Variants in MYOM3 observed in about 807,000 individuals in gnomAD.
The protein encoded by MYOM3 is myomesin 3, also known as myomesin-3.
A neutral mutation model predicts 191.7 loss-of-function variants in MYOM3; 155 were observed. The ratio of observed to expected loss-of-function variants is 0.81; its 90% CI spans 0.71 to 0.92. The LOEUF is 0.92. MYOM3 is among the 40% of genes least tolerant of loss of function. MYOM3 has a pLI of 0.00. For missense variants in MYOM3, 1,889 were observed against 1,890.6 expected (o/e 1.00, Z 0.02); for synonymous variants, 757 against 762.9 (o/e 0.99, Z 0.13).
chr1:24,066,107 C>G (rs1486336443), intron 28 of MYOM3, 106 bp from the exon 29 acceptor site: 1 of 788,146 alleles, frequency 1.3e-6, no homozygotes, highest in East Asian at 2.4e-5. Context: ...TTTCACATAC[C>G]ATGTGTCTCC....
chr1:24,069,531 T>C (rs888941358), intron 25 of MYOM3, among the ~76,000 whole-genome samples: 4 of 151,928 alleles, frequency 2.6e-5, no homozygotes, highest in Non-Finnish European at 5.9e-5. Flanking sequence ...ACATGTTTTC[T>C]TTCTTCTTTT....
chr1:24,100,608 C>T (rs1037964164), intron 5 of MYOM3, among the ~76,000 whole-genome samples: 3 of 152,182 alleles, frequency 2.0e-5, no homozygotes, highest in Non-Finnish European at 2.9e-5. Flanking sequence ...ATGTCCAGGC[C>T]GGGCACGGTG....
At chr1:24,060,119 C>T (rs1470198242) in intron 35 of MYOM3, among the ~76,000 whole-genome samples, 2 of 152,164 alleles carry the variant, frequency 1.3e-5, no homozygotes, top group Non-Finnish European at 1.5e-5. Flanking sequence ...TTCAGGATGA[C>T]GCATTCCACT....
intron 33 of MYOM3, 46 bp from the exon 34 acceptor site, chr1:24,061,355 G>C (rs778174414): frequency 1.9e-6 from 3 of 1,590,020 alleles, no homozygotes; most frequent in South Asian, 2.2e-5. Context: ...GGCCTCTGCT[G>C]TCTGATGATG....
In MYOM3 at chr1:24,063,244, C is replaced by G. The variant is rs1252308433; in HGVS notation, c.3662-10G>C. 9 of 1,608,298 alleles carry G rather than the reference C, an allele frequency of 5.6e-6. No individual in the cohort carries two copies. In the African/African-American group the frequency reaches 1.2e-4, roughly 21 times the overall value. On this transcript the variant is annotated splice_polypyrimidine_tract_variant and intron_variant, in intron 31 of 36. Transcript: ENST00000374434. The surrounding 1 kb of genome is among the most constrained non-coding windows in gnomAD (Gnocchi z 4.5). Reference sequence around the variant, plus strand: ...GGAGTTGCAGAGAGGGCTGGGGAGACAGAGGAGAAGGATGAATCTTCCCTG... The same window carrying G: ...GGAGTTGCAGAGAGGGCTGGGGAGAGAGAGGAGAAGGATGAATCTTCCCTG...
chr1:24,080,728 C>A (rs1350458527), intron 19 of MYOM3, among the ~76,000 whole-genome samples: 1 of 152,124 alleles, frequency 6.6e-6, no homozygotes, highest in East Asian at 1.9e-4. Context: ...AATAAATACT[C>A]GTTGTTTATA....
Position 24,064,059 on chromosome 1 carries a change from C to A in MYOM3, c.3622+13G>T. ...GCTCCCTCCACAGCCCCTGACCCATCGCCAGCTCCTACCGTCACCCGTGAG... is the reference window on the plus strand; with the variant it reads ...GCTCCCTCCACAGCCCCTGACCCATAGCCAGCTCCTACCGTCACCCGTGAG... On this transcript the variant is annotated intron_variant, in intron 30 of 36. Coordinates refer to ENST00000374434, the MANE Select transcript of MYOM3 (RefSeq NM_152372.4). 1.9e-6 allele frequency: 3 copies of A among 1,609,938 alleles called. No homozygotes were observed. The highest frequency in any genetic ancestry group is 2.6e-6 in the Non-Finnish European group (3 of 1,176,416).
chr1:24,085,621 A>G (rs1021494294), intron 15 of MYOM3, among the ~76,000 whole-genome samples: 2 of 152,050 alleles, frequency 1.3e-5, no homozygotes, highest in African/African-American at 4.8e-5. Context: ...ACCTGTTTGA[A>G]GGCTTCACCT....
intron 23 of MYOM3, among the ~76,000 whole-genome samples, chr1:24,072,298 C>T (rs1193202740): frequency 6.6e-6 from 1 of 152,172 alleles, no homozygotes; most frequent in Non-Finnish European, 1.5e-5. Context: ...TAGAGGAGCA[C>T]CTACCATGTG....
chr1:24,067,381 T>TCTTTCTTTCTTTCTTTCC (rs1643459415), intron 27 of MYOM3, among the ~76,000 whole-genome samples: 1 of 108,892 alleles, frequency 9.2e-6, no homozygotes, highest in African/African-American at 3.9e-5. Flanking sequence ...TCCTTCTTTC[T>TCTTTCTTTCTTTCTTTCC]TTCTTTTTCC....
At chr1:24,093,679 C>T (rs139646435) in intron 9 of MYOM3, among the ~76,000 whole-genome samples, 36 of 151,978 alleles carry the variant, frequency 2.4e-4, no homozygotes, top group Non-Finnish European at 4.3e-4. Flanking sequence ...CACTGTGGGG[C>T]CAGCTCTTCT....
rs368281598 is a variant in MYOM3 at position 24,084,547 on chromosome 1, G to A, written c.1891C>T (p.Leu631=). 6.6e-5 allele frequency: 107 copies of A among 1,614,076 alleles called. No homozygotes were observed. Among genetic ancestry groups the A allele is most frequent in the Non-Finnish European group, 8.5e-5 (100 of 1,180,054 alleles). ...TWDPVKDPEL[L]GYYIYSRKVG... is the part of the protein sequence containing the mutation. ...TTCCGGGAGTAGATGTAATAACCCA[G>A]GAGCTCTGGGTCTTTCACAGGATCC... is the stretch of plus-strand genomic sequence containing the variant. Residue 631 remains leucine (L), a synonymous_variant, in exon 16 of 37, where the codon CTG becomes TTG. Coordinates refer to ENST00000374434, the MANE Select transcript of MYOM3 (RefSeq NM_152372.4).
intron 5 of MYOM3, among the ~76,000 whole-genome samples, chr1:24,103,601 G>C (rs1643957933): frequency 6.6e-6 from 1 of 152,198 alleles, no homozygotes. Context: ...TTAACTGCCT[G>C]TTTTTCGGTG....
At chr1:24,072,147 T>C in intron 23 of MYOM3, 134 bp from the exon 24 acceptor site, 1 of 820,422 alleles carries the variant, frequency 1.2e-6, no homozygotes, top group East Asian at 2.7e-5. Context: ...GACCTTGGGG[T>C]TCCTTGGCTC....
At chr1:24,088,244 C>T (rs1643771740) in intron 14 of MYOM3, among the ~76,000 whole-genome samples, 2 of 152,218 alleles carry the variant, frequency 1.3e-5, no homozygotes, top group African/African-American at 2.4e-5. Flanking sequence ...CTGTGGTTTT[C>T]CCCCCACAAG....
chr1:24,084,103 T>C (rs1406636478), intron 16 of MYOM3: 1 of 239,070 alleles, frequency 4.2e-6, no homozygotes, highest in East Asian at 1.1e-4. Context: ...TCATGTTGAA[T>C]TGTAATCCCC....
rs1643364383 is a variant in MYOM3, at chr1:24,061,079, G to A, written c.3975C>T (p.Thr1325=). 2.5e-6 allele frequency: 4 copies of A among 1,613,992 alleles called. No individual in the cohort carries two copies. In the South Asian group the frequency reaches 3.3e-5, roughly 13 times the overall value. ...ACTTACTCTTCTCGATGATGGCCAAGGTTCTGAAAAACAGAAATGGGAACA... is the reference window on the plus strand; with the variant it reads ...ACTTACTCTTCTCGATGATGGCCAAAGTTCTGAAAAACAGAAATGGGAACA... ...DAMAEHQRLK[T]LAIIEKNRAK... The change falls in exon 35 of 37, where the codon ACC becomes ACT. Residue 1325 remains threonine (T), a synonymous_variant. Coordinates refer to ENST00000374434, the MANE Select transcript of MYOM3 (RefSeq NM_152372.4).
At position 24,084,627 on chromosome 1, in the gene MYOM3, G is replaced by A. The variant is rs376487752; in HGVS notation, c.1811C>T (p.Pro604Leu). ...ALRGPPATLP[P>L]PAQVQAFRDT... is the part of the protein sequence containing the mutation. ...TCTGAAAGCTTGAACTTGAGCTGGAGGAGGGAGGGTAGCTAAAAAATAGAA... is the reference window on the plus strand; with the variant it reads ...TCTGAAAGCTTGAACTTGAGCTGGAAGAGGGAGGGTAGCTAAAAAATAGAA... The change falls in exon 16 of 37, where the codon CCT (proline) becomes CTT (leucine). Residue 604 changes from proline to leucine, a missense_variant. By Grantham distance (98) the Pro-to-Leu change is moderately conservative. Coordinates refer to ENST00000374434, the MANE Select transcript of MYOM3 (RefSeq NM_152372.4). 6.8e-6 allele frequency: 11 copies of A among 1,611,808 alleles called. No homozygotes were observed. The highest frequency in any genetic ancestry group is 1.3e-5 in the African/African-American group (1 of 74,718).
chr1:24,059,120 T>G, intron 35 of MYOM3, 141 bp from the exon 36 acceptor site: 1 of 664,710 alleles, frequency 1.5e-6, no homozygotes, highest in Non-Finnish European at 2.6e-6. Flanking sequence ...ATGGAAATCT[T>G]TTTTAAATTT....
Sources: gnomAD v4.1 joint callset for allele counts (sites outside exome capture counted in the v4.1 genomes callset) on GRCh38, gnomAD v4.1.1 for gene constraint, Gnocchi (gnomAD v3.1) non-coding constraint, MANE v1.5 for transcripts, NCBI Gene and HGNC (gene_info 2026-07-23, HGNC 2026-07-21) for gene names.